The following NAALADL2 variants were observed in gnomAD, a reference collection of about 807,000 sequenced individuals.
NAALADL2 encodes N-acetylated alpha-linked acidic dipeptidase like 2.
A neutral mutation model predicts 87.2 loss-of-function variants in NAALADL2; 76 were observed. The ratio of observed to expected loss-of-function variants is 0.87; its 90% CI spans 0.72 to 1.05. The LOEUF (loss-of-function observed/expected upper bound fraction) is 1.05, where lower values mean the gene tolerates loss of function less well. NAALADL2 is among the 50% of genes least tolerant of loss of function. The probability of loss-of-function intolerance (pLI) is 0.00; values close to 1 mark genes in which losing one functional copy is unlikely to be tolerated. For missense variants in NAALADL2, 1,089 were observed against 945.8 expected, an observed-to-expected ratio of 1.15 and a Z score of -1.99; for synonymous variants, 354 against 331.0, an observed-to-expected ratio of 1.07 and a Z score of -0.75.
At chr3:175,368,674 C>T (rs553729210) in intron 5 of NAALADL2, among the ~76,000 whole-genome samples, 1 of 151,822 alleles carries the variant, frequency 6.6e-6, no homozygotes, top group East Asian at 1.9e-4. Flanking sequence ...AGAAATGCAT[C>T]ATTAGGTGAC....
intron 11 of NAALADL2, among the ~76,000 whole-genome samples, chr3:175,658,495 A>G (rs1339922163): frequency 6.6e-6 from 1 of 152,068 alleles, no homozygotes; most frequent in Admixed American, 6.6e-5. Flanking sequence ...GTTAGCTAGT[A>G]TTGAGGACTA....
At chr3:175,789,496 A>AC in intron 13 of NAALADL2, among the ~76,000 whole-genome samples, 1 of 152,202 alleles carries the variant, frequency 6.6e-6, no homozygotes, top group Non-Finnish European at 1.5e-5. Context: ...AACATATTCT[A>AC]CTACTTGAGG....
intron 1 of NAALADL2, among the ~76,000 whole-genome samples, chr3:174,456,410 G>GC (rs1468605781): frequency 1.1e-4 from 2 of 17,650 alleles, no homozygotes; most frequent in East Asian, 4.1e-3. Context: ...GCAATCCTAA[G>GC]CAAAAAAAAA....
intron 1 of NAALADL2, among the ~76,000 whole-genome samples, chr3:174,927,334 A>G (rs2108392722): frequency 6.6e-6 from 1 of 152,326 alleles, no homozygotes. Flanking sequence ...CCAGAAATTG[A>G]ACTCAGCTCT....
At chr3:175,370,572 C>T (rs1766346503) in intron 5 of NAALADL2, among the ~76,000 whole-genome samples, 1 of 151,940 alleles carries the variant, frequency 6.6e-6, no homozygotes, top group African/African-American at 2.4e-5. Context: ...TACTGATGGC[C>T]GTAAGAGTCA....
intron 2 of NAALADL2, among the ~76,000 whole-genome samples, chr3:174,588,487 T>C (rs1043229706): frequency 1.3e-5 from 2 of 152,260 alleles, no homozygotes; most frequent in Admixed American, 6.5e-5. Flanking sequence ...TCTGCTCTGG[T>C]TTTTCCCCAT....
At chr3:175,579,980 T>A (rs774210205) in intron 10 of NAALADL2, among the ~76,000 whole-genome samples, 9 of 152,164 alleles carry the variant, frequency 5.9e-5, no homozygotes, top group Non-Finnish European at 1.0e-4. Flanking sequence ...CGCTGTTCTG[T>A]TTGAAACATT....
intron 2 of NAALADL2, chr3:174,551,103 C>G (rs1396294925): frequency 2.0e-5 from 3 of 152,082 alleles, no homozygotes; most frequent in Non-Finnish European, 4.4e-5. Flanking sequence ...ATTAACTCGT[C>G]ATTTAGCATC....
chr3:174,968,408 A>G (rs1488236662), intron 1 of NAALADL2, among the ~76,000 whole-genome samples: 1 of 152,200 alleles, frequency 6.6e-6, no homozygotes, highest in East Asian at 1.9e-4. Context: ...ACAACAAAAT[A>G]AGGAAATACA....
chr3:174,598,871 A>G (rs1055573801), intron 2 of NAALADL2, among the ~76,000 whole-genome samples: 2 of 152,134 alleles, frequency 1.3e-5, no homozygotes, highest in African/African-American at 2.4e-5. Context: ...CATATCTATT[A>G]TGTGTTGAAA....
intron 2 of NAALADL2, among the ~76,000 whole-genome samples, chr3:174,617,381 C>A (rs1375333792): frequency 1.3e-5 from 2 of 151,552 alleles, no homozygotes; most frequent in Admixed American, 1.3e-4. Context: ...GATCTCGTTA[C>A]AAATCCCATT....
chr3:175,168,620 A>G (rs1295876930), intron 2 of NAALADL2, among the ~76,000 whole-genome samples: 1 of 151,854 alleles, frequency 6.6e-6, no homozygotes, highest in Non-Finnish European at 1.5e-5. Flanking sequence ...TTATTCATGT[A>G]ATTTCATGAA....
chr3:174,537,187 CA>C (rs889005269), intron 1 of NAALADL2, among the ~76,000 whole-genome samples: 8 of 152,074 alleles, frequency 5.3e-5, no homozygotes, highest in Non-Finnish European at 8.8e-5. Context: ...AAATGTATCA[CA>C]AGGGTGTTTG....
At chr3:174,963,951 A>C (rs1188583964) in intron 1 of NAALADL2, among the ~76,000 whole-genome samples, 1 of 152,130 alleles carries the variant, frequency 6.6e-6, no homozygotes, top group Non-Finnish European at 1.5e-5. Context: ...TTGAAGGTCA[A>C]AATTATCATA....
intron 2 of NAALADL2, among the ~76,000 whole-genome samples, chr3:175,225,824 T>C (rs927280061): frequency 2.6e-5 from 4 of 152,106 alleles, no homozygotes; most frequent in African/African-American, 9.7e-5. Context: ...CCCTATTGTG[T>C]TCTTCTCTCT....
intron 3 of NAALADL2, among the ~76,000 whole-genome samples, chr3:174,764,081 G>A (rs1713452217): frequency 6.6e-6 from 1 of 152,100 alleles, no homozygotes; most frequent in African/African-American, 2.4e-5. Flanking sequence ...GAACACAAAG[G>A]TATTTACTAC....
At chr3:175,718,602 C>T (rs1741737160) in intron 11 of NAALADL2, 3 of 1,594,306 alleles carry the variant, frequency 1.9e-6, no homozygotes, top group Admixed American at 1.7e-5. Context: ...TTCTGGCCTT[C>T]TTCGAGTTTT....
intron 13 of NAALADL2, among the ~76,000 whole-genome samples, chr3:175,786,585 C>G (rs926777838): frequency 6.4e-4 from 97 of 152,110 alleles, no homozygotes; most frequent in African/African-American, 2.2e-3. Context: ...ATTGGTTATT[C>G]TAGTTATACA....
intron 3 of NAALADL2, among the ~76,000 whole-genome samples, chr3:174,738,489 G>T (rs186930411): frequency 2.6e-5 from 4 of 152,300 alleles, no homozygotes; most frequent in Admixed American, 2.6e-4. Flanking sequence ...GGCAAGTAAT[G>T]CAGATTTAGG....
Sources: allele counts gnomAD v4.1 joint callset (sites outside exome capture counted in the v4.1 genomes callset), GRCh38; gene constraint gnomAD v4.1.1; transcripts MANE v1.5; gene names NCBI Gene and HGNC (gene_info 2026-07-23, HGNC 2026-07-21).